GRIA3: variants seen among roughly 807,000 people sequenced by gnomAD.
GRIA3 encodes glutamate receptor 3.
In GRIA3, 3 loss-of-function variants were observed where a neutral mutation model predicts 63.0. That is an observed-to-expected ratio of 0.05 (90% CI 0.02 to 0.12). The LOEUF is 0.12. Ranked by LOEUF, GRIA3 falls within the 10% of genes least tolerant of loss-of-function variation. The pLI is 1.00. For synonymous variants in GRIA3, 274 were observed against 257.9 expected, an observed-to-expected ratio of 1.06 and a Z score of -0.60; for missense variants, 347 against 700.9, an observed-to-expected ratio of 0.50 and a Z score of 5.70.
intron 11 of GRIA3, among the ~76,000 whole-genome samples, chrX:123,419,134 G>A (rs1033002728): frequency 8.9e-6 from 1 of 112,148 alleles, no homozygotes; most frequent in African/African-American, 3.2e-5. Flanking sequence ...TGGGCCGGGC[G>A]CGGTGATTCA....
chrX:123,266,083 T>C (rs752598714), intron 3 of GRIA3, among the ~76,000 whole-genome samples: 1 of 112,300 alleles, frequency 8.9e-6, no homozygotes, highest in South Asian at 3.7e-4. Context: ...ATTTGCAATT[T>C]CCAGGATTCC....
rs191141933 is a variant in GRIA3 at position 123,192,200 on chromosome X, C to T, written c.268+6210C>T. ...ACTTCTTCATATTGAATCTAAATGC[C>T]TTTGGGGGTGATTTGAGAAGCTGCT... On this transcript the variant is annotated intron_variant, in intron 2 of 15. Transcript: ENST00000620443. Among the ~76,000 whole-genome samples the T allele has an allele frequency of 5.7e-3, 639 of 111,350 alleles. 4 individuals are homozygous for T. Among genetic ancestry groups the T allele is most frequent in the African/African-American group, 0.02 (620 of 30,604 alleles).
At chrX:123,212,111 C>G (rs946036573) in intron 2 of GRIA3, among the ~76,000 whole-genome samples, 4 of 111,800 alleles carry the variant, frequency 3.6e-5, no homozygotes, top group African/African-American at 1.3e-4. Context: ...GATGATTCAG[C>G]ACTGCTCTGG....
chrX:123,421,506 A>G (rs1050028640), intron 11 of GRIA3, among the ~76,000 whole-genome samples: 6 of 112,528 alleles, frequency 5.3e-5, no homozygotes, highest in Admixed American at 3.8e-4. Flanking sequence ...TTTCTGTTTA[A>G]TGGCCACAGT....
intron 3 of GRIA3, among the ~76,000 whole-genome samples, chrX:123,295,989 T>A (rs1481893401): frequency 1.8e-5 from 2 of 111,714 alleles, no homozygotes; most frequent in East Asian, 2.8e-4. Flanking sequence ...CACCTTAGAA[T>A]GAAGGGAGAA....
At chrX:123,229,061 G>A (rs964455888) in intron 2 of GRIA3, among the ~76,000 whole-genome samples, 1 of 111,682 alleles carries the variant, frequency 9.0e-6, no homozygotes, top group Non-Finnish European at 1.9e-5. Context: ...ACACCAGATC[G>A]TGCCCATCTC....
intron 10 of GRIA3, among the ~76,000 whole-genome samples, chrX:123,408,218 G>A (rs1481151672): frequency 1.8e-5 from 2 of 111,220 alleles, no homozygotes; most frequent in African/African-American, 3.3e-5. Context: ...TACCTGCCTC[G>A]GCCTCCTAAA....
intron 12 of GRIA3, among the ~76,000 whole-genome samples, chrX:123,463,732 AGAG>A (rs1394845727): frequency 0.027 from 2,738 of 102,882 alleles, 350 homozygotes; most frequent in African/African-American, 0.1. Context: ...AAGAGAAAGA[AGAG>A]AGAGAAAGAA....
At chrX:123,315,511 A>G (rs1037879192) in intron 3 of GRIA3, among the ~76,000 whole-genome samples, 14 of 112,622 alleles carry the variant, frequency 1.2e-4, no homozygotes, top group Non-Finnish European at 7.5e-5. Context: ...CAAATGTGCT[A>G]TAGAAGTCTT....
chrX:123,379,580 G>A (rs947609888), intron 5 of GRIA3, among the ~76,000 whole-genome samples: 3 of 102,657 alleles, frequency 2.9e-5, no homozygotes, highest in African/African-American at 1.1e-4. Context: ...TCACAATTTT[G>A]CCAACTATGG....
intron 5 of GRIA3, among the ~76,000 whole-genome samples, chrX:123,379,003 G>A (rs1478382985): frequency 9.0e-6 from 1 of 110,726 alleles, no homozygotes; most frequent in Non-Finnish European, 1.9e-5. Flanking sequence ...GAGTGGGATT[G>A]TTGAAGGTTA....
intron 3 of GRIA3, among the ~76,000 whole-genome samples, chrX:123,311,978 C>G (rs762281530): frequency 5.4e-5 from 6 of 112,071 alleles, no homozygotes; most frequent in Non-Finnish European, 1.1e-4. Context: ...ATGTGCGTCT[C>G]TGAGCCTCAA....
chrX:123,192,333 G>A (rs865817568), intron 2 of GRIA3, among the ~76,000 whole-genome samples: 50 of 111,697 alleles, frequency 4.5e-4, no homozygotes, highest in African/African-American at 1.5e-3. Context: ...TTATAGGAGA[G>A]GATAAGGGTG....
chrX:123,394,386 G>A (rs888107337), intron 5 of GRIA3, among the ~76,000 whole-genome samples: 11 of 110,152 alleles, frequency 1.0e-4, no homozygotes, highest in Non-Finnish European at 1.7e-4. Flanking sequence ...GTAACAGAGC[G>A]AGATTCTATC....
chrX:123,377,839 C>T (rs907382950), intron 5 of GRIA3, among the ~76,000 whole-genome samples: 2 of 111,720 alleles, frequency 1.8e-5, no homozygotes, highest in African/African-American at 6.5e-5. Flanking sequence ...TTCAAGGATT[C>T]ACAGCTCAGC....
chrX:123,380,280 T>C (rs1461327304), intron 5 of GRIA3, among the ~76,000 whole-genome samples: 1 of 112,008 alleles, frequency 8.9e-6, no homozygotes, highest in Non-Finnish European at 1.9e-5. Flanking sequence ...AGTGTTCCTA[T>C]TTCTCCACAT....
At chrX:123,284,297 C>T (rs1207366144) in intron 3 of GRIA3, among the ~76,000 whole-genome samples, 1 of 111,755 alleles carries the variant, frequency 8.9e-6, no homozygotes, top group Non-Finnish European at 1.9e-5. Context: ...TAAGAAAAAC[C>T]GGCACAAAAA....
intron 5 of GRIA3, among the ~76,000 whole-genome samples, chrX:123,361,888 A>T (rs2045177668): frequency 8.9e-6 from 1 of 112,281 alleles, no homozygotes; most frequent in South Asian, 3.7e-4. Context: ...ACCAGTAAAC[A>T]TGCAACAAAA....
intron 2 of GRIA3, among the ~76,000 whole-genome samples, chrX:123,188,385 G>A (rs1927334836): frequency 9.0e-6 from 1 of 111,294 alleles, no homozygotes; most frequent in Admixed American, 9.5e-5. Flanking sequence ...GACCAAAGAA[G>A]CCCTGGAGGT....
Sources: allele counts gnomAD v4.1 joint callset (sites outside exome capture counted in the v4.1 genomes callset), GRCh38; gene constraint gnomAD v4.1.1; transcripts MANE v1.5; gene names NCBI Gene and HGNC (gene_info 2026-07-23, HGNC 2026-07-21).